The following LRRC32 variants were observed in gnomAD, a reference collection of about 807,000 sequenced individuals.
The protein encoded by LRRC32 is leucine rich repeat containing 32.
In LRRC32, 5 loss-of-function variants were observed where a neutral mutation model predicts 15.0. That is an observed-to-expected ratio of 0.33 (90% CI 0.17 to 0.70). The LOEUF (loss-of-function observed/expected upper bound fraction) is 0.70. LRRC32 is among the 30% of genes least tolerant of loss of function. LRRC32 has a pLI of 0.66. For missense variants in LRRC32, 803 were observed against 854.2 expected (o/e 0.94, Z 0.75); for synonymous variants, 391 against 403.9 (o/e 0.97, Z 0.38).
rs769727694 is a variant in LRRC32 at position 76,659,841 on chromosome 11, C to T, written c.1752G>A (p.Gln584=). 2 of 1,613,922 alleles carry T rather than the reference C, an allele frequency of 1.2e-6. No individual in the cohort carries two copies. The highest frequency in any genetic ancestry group is 1.7e-6 in the Non-Finnish European group (2 of 1,179,968). The part of the protein sequence containing the change: ...SCCGNGWLAA[Q]LHQGRVDVDA... ...CCACGTCCACACGGCCCTGGTGCAG[C>T]TGGGCTGCCAGCCAGCCATTGCCGC... Residue 584 remains glutamine, a synonymous_variant, in exon 3 of 3, where the codon CAG becomes CAA. Transcript: ENST00000260061.
intron 1 of LRRC32, among the ~76,000 whole-genome samples, chr11:76,667,481 C>A (rs543072454): frequency 6.6e-6 from 1 of 152,292 alleles, no homozygotes; most frequent in African/African-American, 2.4e-5. Flanking sequence ...GAGCTATGGA[C>A]GAAGATGGCT....
rs1382053514 is a variant in LRRC32, at chr11:76,660,599, C to T, written c.994G>A (p.Asp332Asn). ...LSYNEIELIPDSFLEHLTSLC... is the reference protein window; with the variant it reads ...LSYNEIELIPNSFLEHLTSLC... ...GAGGTCAGGTGCTCAAGAAAGCTGTCGGGGATGAGCTCAATCTCATTGTAG... is the reference window on the plus strand; with the variant it reads ...GAGGTCAGGTGCTCAAGAAAGCTGTTGGGGATGAGCTCAATCTCATTGTAG... The change falls in exon 3 of 3, where the codon GAC becomes AAC. Residue 332 changes from aspartate (D) to asparagine (N), a missense_variant. Coordinates refer to ENST00000260061, the MANE Select transcript of LRRC32 (RefSeq NM_001128922.2). 5.0e-6 allele frequency: 8 copies of T among 1,614,126 alleles called. No individual in the cohort carries two copies. The Admixed American group carries it at 5.0e-5, about 10-fold the overall frequency.
In LRRC32 at chr11:76,660,693, C is replaced by T. The variant is rs1436377705; in HGVS notation, c.900G>A (p.Leu300=). 1 of 1,614,070 alleles carries T rather than the reference C, an allele frequency of 6.2e-7. No individual in the cohort carries two copies. Among genetic ancestry groups the T allele is most frequent in the South Asian group, 1.1e-5 (1 of 91,074 alleles). Residue 300 remains leucine (L), a synonymous_variant, in exon 3 of 3, where the codon CTG becomes CTA. Coordinates refer to ENST00000260061, the MANE Select transcript of LRRC32 (RefSeq NM_001128922.2). The stretch of plus-strand genomic sequence containing the variant: ...CATTCCCGCTGGGGGCTGAGAGGGG[C>T]AGGGCTGACCAGCCCTCGGAAGGTG... ...IHAPSEGWSA[L]PLSAPSGNAS...
chr11:76,661,519 G>C lies in LRRC32; in HGVS notation c.85-11C>G, dbSNP rs750471143. The C allele has an allele frequency of 7.2e-6, 11 of 1,527,896 alleles. No homozygotes were observed. Among genetic ancestry groups the C allele is most frequent in the Non-Finnish European group, 9.8e-6 (11 of 1,119,710 alleles). The allele number at this position is 1,527,896 out of a possible 1,614,324, so 94.6% of individuals were successfully genotyped here. ...GACCTTCTTGTCCACCTGGGGAGGG[G>C]TAGGGTGGGGAGACAGCTGGCATAA... On this transcript the variant is annotated splice_polypyrimidine_tract_variant and intron_variant, in intron 2 of 2. Coordinates refer to ENST00000260061, the MANE Select transcript of LRRC32 (RefSeq NM_001128922.2).
chr11:76,660,807 G>A lies in LRRC32; in HGVS notation c.786C>T (p.Ala262=), dbSNP rs148543436. ...ENKLLHFPDL[A]ALPRLIYLNL... is the part of the protein sequence containing the mutation. ...TCAGGTAGATGAGTCTCGGGAGCGC[G>A]GCCAGGTCGGGGAAATGGAGCAGTT... The change falls in exon 3 of 3, where the codon GCC becomes GCT. Residue 262 remains alanine (A), a synonymous_variant. Coordinates refer to ENST00000260061, the MANE Select transcript of LRRC32 (RefSeq NM_001128922.2). 1.1e-4 allele frequency: 171 copies of A among 1,614,056 alleles called. No homozygotes were observed. Among genetic ancestry groups the A allele is most frequent in the African/African-American group, 1.7e-4 (13 of 74,920 alleles).
chr11:76,661,228 G>C lies in LRRC32; in HGVS notation c.365C>G (p.Pro122Arg), dbSNP rs377711330. 5 of 1,613,886 alleles carry C rather than the reference G, an allele frequency of 3.1e-6. No homozygotes were observed. In the African/African-American group the frequency reaches 6.7e-5, roughly 22 times the overall value. ...ATALSAGGLGPLPRVTSLDLS... is the reference protein window; with the variant it reads ...ATALSAGGLGRLPRVTSLDLS... The stretch of plus-strand genomic sequence containing the variant: ...GTCCAGGGAGGTCACGCGTGGCAGG[G>C]GGCCCAGGCCACCAGCACTCAGCGC... Residue 122 changes from proline to arginine, a missense_variant, in exon 3 of 3, where the codon CCC becomes CGC. Transcript: ENST00000260061.
At chr11:76,664,465 C>T (rs1427129289) in intron 2 of LRRC32, among the ~76,000 whole-genome samples, 4 of 152,224 alleles carry the variant, frequency 2.6e-5, no homozygotes, top group Non-Finnish European at 4.4e-5. Flanking sequence ...CTGTCCTGGG[C>T]TATCAGGACA....
chr11:76,667,097 G>A (rs967127642), intron 1 of LRRC32, among the ~76,000 whole-genome samples: 8 of 152,332 alleles, frequency 5.3e-5, no homozygotes, highest in African/African-American at 1.9e-4. Flanking sequence ...CCAAGTTTTT[G>A]TTGAGAATCA....
chr11:76,660,695 G>A lies in LRRC32; in HGVS notation c.898C>T (p.Leu300=). 1.2e-6 allele frequency: 2 copies of A among 1,614,136 alleles called. No homozygotes were observed. The highest frequency in any genetic ancestry group is 2.2e-5 in the South Asian group (2 of 91,076). Residue 300 remains leucine (L), a synonymous_variant, in exon 3 of 3, where the codon CTG becomes TTG. Coordinates refer to ENST00000260061, the MANE Select transcript of LRRC32 (RefSeq NM_001128922.2). The part of the protein sequence containing the change: ...IHAPSEGWSA[L]PLSAPSGNAS... Reference sequence around the variant, plus strand: ...TTCCCGCTGGGGGCTGAGAGGGGCAGGGCTGACCAGCCCTCGGAAGGTGCG... The same window carrying A: ...TTCCCGCTGGGGGCTGAGAGGGGCAAGGCTGACCAGCCCTCGGAAGGTGCG...
At position 76,660,959 on chromosome 11, in the gene LRRC32, T is replaced by G; in HGVS notation, c.634A>C (p.Ile212Leu). 6.2e-7 allele frequency: 1 copy of G among 1,614,086 alleles called. No individual in the cohort carries two copies. Among genetic ancestry groups the G allele is most frequent in the Non-Finnish European group, 8.5e-7 (1 of 1,180,004 alleles). ...LNLSRNSLTC[I>L]SDFSLQQLRV... ...AGCTGCTGGAGGCTGAAGTCGGAGA[T>G]GCAGGTGAGGGAATTCCTGGAGAGG... Residue 212 changes from isoleucine (I) to leucine (L), a missense_variant, in exon 3 of 3, where the codon ATC (isoleucine) becomes CTC (leucine). Coordinates refer to ENST00000260061, the MANE Select transcript of LRRC32 (RefSeq NM_001128922.2).
intron 2 of LRRC32, among the ~76,000 whole-genome samples, chr11:76,665,473 A>G (rs1211936257): frequency 6.6e-6 from 1 of 152,178 alleles, no homozygotes; most frequent in African/African-American, 2.4e-5. Flanking sequence ...AAGAGGGATG[A>G]GCACAGAGGA....
At chr11:76,669,386 T>TGTGTGTGTGTGTGA (rs1439284769) in intron 1 of LRRC32, among the ~76,000 whole-genome samples, 12 of 127,942 alleles carry the variant, frequency 9.4e-5, no homozygotes, top group African/African-American at 3.0e-4. Context: ...TGTGTGTGTG[T>TGTGTGTGTGTGTGA]GAGAGAGAGA....
At chr11:76,664,760 A>C (rs1297545255) in intron 2 of LRRC32, among the ~76,000 whole-genome samples, 1 of 152,176 alleles carries the variant, frequency 6.6e-6, no homozygotes. Flanking sequence ...GTAGTCAAGG[A>C]CTTTCCCCTC....
Position 76,660,235 on chromosome 11 carries a change from T to G in LRRC32, c.1358A>C (p.Asn453Thr), listed in dbSNP as rs1426814055. Reference protein sequence around the residue: ...TSLRSLSLVDNEIELLRAGAF... With the variant: ...TSLRSLSLVDTEIELLRAGAF... ...CCCTGCCCTGAGCAGCTCTATCTCA[T>G]TATCCACCAGGCTCAGGCTGCGGAG... The change falls in exon 3 of 3, where the codon AAT becomes ACT. Residue 453 changes from asparagine (N) to threonine (T), a missense_variant. Physicochemically the swap from Asn to Thr is moderately conservative, Grantham distance 65. Transcript: ENST00000260061. 2 of 1,574,736 alleles carry G rather than the reference T, an allele frequency of 1.3e-6. No individual in the cohort carries two copies. The highest frequency in any genetic ancestry group is 2.7e-5 in the African/African-American group (2 of 73,408).
chr11:76,660,222 C>A lies in LRRC32; in HGVS notation c.1371G>T (p.Leu457=). The A allele has an allele frequency of 1.3e-6, 2 of 1,575,480 alleles. No individual in the cohort carries two copies. Among genetic ancestry groups the A allele is most frequent in the Non-Finnish European group, 1.7e-6 (2 of 1,162,786 alleles). The change falls in exon 3 of 3, where the codon CTG becomes CTT. Residue 457 remains leucine, a synonymous_variant. Coordinates refer to ENST00000260061, the MANE Select transcript of LRRC32 (RefSeq NM_001128922.2). ...SLSLVDNEIE[L]LRAGAFLHTP... The stretch of plus-strand genomic sequence containing the variant: ...TGTGGAGGAAGGCCCCTGCCCTGAG[C>A]AGCTCTATCTCATTATCCACCAGGC...
In LRRC32 at chr11:76,660,726, G is replaced by A. The variant is rs761548180; in HGVS notation, c.867C>T (p.Gly289=). ...LPTGPPQDSK[G]IHAPSEGWSA... ...ACCAGCCCTCGGAAGGTGCGTGGAT[G>A]CCCTTGCTGTCCTGGGGTGGCCCTG... Residue 289 remains glycine, a synonymous_variant, in exon 3 of 3, where the codon GGC becomes GGT. Transcript: ENST00000260061. 1 of 1,614,132 alleles carries A rather than the reference G, an allele frequency of 6.2e-7. No individual in the cohort carries two copies. Among genetic ancestry groups the A allele is most frequent in the Admixed American group, 1.7e-5 (1 of 60,026 alleles).
rs1952617687 is a variant in LRRC32 at position 76,665,874 on chromosome 11, C to T, written c.81G>A (p.Lys27=). 1 of 1,613,966 alleles carries T rather than the reference C, an allele frequency of 6.2e-7. No individual in the cohort carries two copies. The highest frequency in any genetic ancestry group is 1.3e-5 in the African/African-American group (1 of 74,916). Residue 27 remains lysine, a synonymous_variant, in exon 2 of 3, where the codon AAG becomes AAA. Transcript: ENST00000260061. ...AAQHQDKVPC[K]MVDKKVSCQV... is the part of the protein sequence containing the mutation. ...CTGTCTGGGCAGAGCATCTTACCAT[C>T]TTACAGGGCACTTTGTCTTGGTGTT...
rs764062247 is a variant in LRRC32, at chr11:76,660,568, C to T, written c.1025G>A (p.Cys342Tyr). ...GCAGTTTCTGCTGAGGTTCAGGAAG[C>T]ACAGGGAGGTCAGGTGCTCAAGAAA... is the stretch of plus-strand genomic sequence containing the variant. The part of the protein sequence containing the change: ...DSFLEHLTSL[C>Y]FLNLSRNCLR... The change falls in exon 3 of 3, where the codon TGC becomes TAC. Residue 342 changes from cysteine (C) to tyrosine (Y), a missense_variant. Cys to Tyr is a radical substitution (Grantham distance 194). Coordinates refer to ENST00000260061, the MANE Select transcript of LRRC32 (RefSeq NM_001128922.2). 6.2e-7 allele frequency: 1 copy of T among 1,614,202 alleles called. No individual in the cohort carries two copies. The highest frequency in any genetic ancestry group is 8.5e-7 in the Non-Finnish European group (1 of 1,180,034).
intron 1 of LRRC32, among the ~76,000 whole-genome samples, chr11:76,667,637 C>T (rs1952646616): frequency 6.6e-6 from 1 of 152,264 alleles, no homozygotes; most frequent in South Asian, 2.1e-4. Context: ...TCACAGGAAA[C>T]TTTGTTCTGC....
Sources: allele counts gnomAD v4.1 joint callset (sites outside exome capture counted in the v4.1 genomes callset), GRCh38; gene constraint gnomAD v4.1.1; transcripts MANE v1.5; gene names NCBI Gene and HGNC (gene_info 2026-07-23, HGNC 2026-07-21).